Variants in CECR2 observed in about 807,000 individuals in gnomAD.
CECR2 encodes the protein CECR2 histone acetyl-lysine reader, also known as chromatin remodeling regulator CECR2.
CECR2 carries 30 observed loss-of-function variants against 154.5 expected under a neutral mutation model. The ratio of observed to expected loss-of-function variants is 0.19; its 90% confidence interval spans 0.15 to 0.26. The LOEUF is 0.26. CECR2 is among the 10% of genes least tolerant of loss of function. CECR2 has a pLI of 1.00. For missense variants in CECR2, 1,743 were observed against 1,829.3 expected (o/e 0.95, Z 0.86); for synonymous variants, 725 against 683.7 (o/e 1.06, Z -0.94).
Position 17,505,007 on chromosome 22 carries a change from C to T in CECR2, c.861C>T (p.Ile287=), listed in dbSNP as rs781738400. The T allele has an allele frequency of 6.2e-6, 10 of 1,613,314 alleles. 1 individual carries two copies. Among genetic ancestry groups the T allele is most frequent in the South Asian group, 3.3e-5 (3 of 91,026 alleles). ...EDFLPEICNM[I]AQKGKRPQRT... is the part of the protein sequence containing the mutation. Reference sequence around the variant, plus strand: ...TCCTGCCTGAGATCTGCAACATGATCGCCCAGAAGGTGCGCCACACTCTCT... The same window carrying T: ...TCCTGCCTGAGATCTGCAACATGATTGCCCAGAAGGTGCGCCACACTCTCT... Residue 287 remains isoleucine, a synonymous_variant, in exon 7 of 19, where the codon ATC becomes ATT. Transcript: ENST00000262608.
upstream of CECR2, among the ~76,000 whole-genome samples, chr22:17,366,388 C>CA (rs1417656659): frequency 6.6e-6 from 1 of 152,148 alleles, no homozygotes; most frequent in Non-Finnish European, 1.5e-5. Context: ...GGAGTTTCAC[C>CA]ATGTTGGCTA....
intron 1 of CECR2, among the ~76,000 whole-genome samples, chr22:17,364,342 CAAAAAA>C (rs59134897): frequency 1.1e-4 from 6 of 52,946 alleles, no homozygotes; most frequent in African/African-American, 4.3e-4. Context: ...GACTCTGTCT[CAAAAAA>C]AAAAAAAAAA....
At chr22:17,407,609 C>T (rs899571830) in intron 1 of CECR2, among the ~76,000 whole-genome samples, 2 of 151,506 alleles carry the variant, frequency 1.3e-5, no homozygotes, top group Non-Finnish European at 2.9e-5. Context: ...AAAAAAAAGC[C>T]ATGAATTAGA....
intron 1 of CECR2, among the ~76,000 whole-genome samples, chr22:17,398,633 A>G (rs1569055746): frequency 6.6e-6 from 1 of 152,122 alleles, no homozygotes; most frequent in Non-Finnish European, 1.5e-5. Context: ...CAGCCCTTAC[A>G]CTCAGTTTTC....
chr22:17,439,667 A>G (rs2054555494), intron 1 of CECR2, among the ~76,000 whole-genome samples: 1 of 152,228 alleles, frequency 6.6e-6, no homozygotes, highest in Non-Finnish European at 1.5e-5. Context: ...TTGAAAAACA[A>G]TCTGGTAGTA....
intron 1 of CECR2, among the ~76,000 whole-genome samples, chr22:17,388,999 G>A (rs1422131717): frequency 6.6e-6 from 1 of 152,064 alleles, no homozygotes; most frequent in African/African-American, 2.4e-5. Context: ...TTTTAGTAGA[G>A]ACGGGGTTTC....
chr22:17,509,229 C>T (rs746434218), intron 7 of CECR2, among the ~76,000 whole-genome samples: 40 of 151,046 alleles, frequency 2.6e-4, no homozygotes, highest in Non-Finnish European at 5.0e-4. Flanking sequence ...CCAGCCTGGG[C>T]GACAGATGGA....
intron 16 of CECR2, 126 bp from the exon 17 acceptor site, chr22:17,548,022 C>A: frequency 2.2e-6 from 2 of 896,490 alleles, no homozygotes; most frequent in Non-Finnish European, 3.3e-6. Context: ...GGGACTCAAA[C>A]AATTTCCAGG....
chr22:17,500,522 C>A, intron 4 of CECR2, 109 bp from the exon 5 acceptor site: 1 of 778,050 alleles, frequency 1.3e-6, no homozygotes, highest in Non-Finnish European at 2.0e-6. Context: ...CCTTTCACTG[C>A]TACATTTAAT....
At chr22:17,459,732 C>G (rs1199314218) in intron 1 of CECR2, among the ~76,000 whole-genome samples, 1 of 152,194 alleles carries the variant, frequency 6.6e-6, no homozygotes, top group Non-Finnish European at 1.5e-5. Flanking sequence ...TCCTGAACTT[C>G]TTTGTGATGG....
chr22:17,516,644 G>C (rs866390971), intron 8 of CECR2, among the ~76,000 whole-genome samples: 2 of 147,524 alleles, frequency 1.4e-5, no homozygotes, highest in African/African-American at 4.9e-5. Flanking sequence ...GCCCAGACTG[G>C]AGTGCAATGG....
intron 1 of CECR2, among the ~76,000 whole-genome samples, chr22:17,381,263 A>G (rs1454191588): frequency 6.6e-6 from 1 of 151,962 alleles, no homozygotes; most frequent in African/African-American, 2.4e-5. Flanking sequence ...CTTTCCCCCC[A>G]TTTTCCTTTG....
intron 1 of CECR2, among the ~76,000 whole-genome samples, chr22:17,364,283 C>T (rs1439120297): frequency 7.7e-6 from 1 of 130,626 alleles, no homozygotes; most frequent in African/African-American, 2.9e-5. Flanking sequence ...GCGGAGCTTG[C>T]AGTGAGCTGA....
chr22:17,486,919 C>G (rs894605911), intron 2 of CECR2, among the ~76,000 whole-genome samples: 12 of 152,130 alleles, frequency 7.9e-5, no homozygotes, highest in Admixed American at 2.0e-4. Flanking sequence ...ATTCCGTAGG[C>G]TTGGGCTGGG....
At chr22:17,483,026 G>T (rs555376969) in intron 2 of CECR2, among the ~76,000 whole-genome samples, 1 of 152,078 alleles carries the variant, frequency 6.6e-6, no homozygotes, top group Admixed American at 6.6e-5. Context: ...AGCCTCAGGC[G>T]GTCCTTCAGA....
intron 1 of CECR2, among the ~76,000 whole-genome samples, chr22:17,390,697 G>T (rs1198805319): frequency 6.6e-6 from 1 of 152,090 alleles, no homozygotes; most frequent in Non-Finnish European, 1.5e-5. Flanking sequence ...GAGTGCAGTG[G>T]CACCATCATA....
chr22:17,432,082 G>A lies in CECR2; in HGVS notation c.127-45506G>A, dbSNP rs1252557939. On this transcript the variant is annotated intron_variant, in intron 1 of 18. Coordinates refer to ENST00000262608, the MANE Select transcript of CECR2 (RefSeq NM_001290047.2). ...TGCCCACTCTGGACATTTCCTGTAA[G>A]TGGAATCACACAGCCCCACTTTGTG... is the stretch of plus-strand genomic sequence containing the variant. Among the ~76,000 whole-genome samples, 5 of 139,758 alleles carry A rather than the reference G, an allele frequency of 3.6e-5. No homozygotes were observed. In the East Asian group the frequency reaches 1.1e-3, roughly 30 times the overall value. 91.7% of individuals were successfully genotyped at this position (139,758 alleles called of 152,430 possible).
chr22:17,540,872 G>A, intron 14 of CECR2, 72 bp downstream of exon 14: 1 of 1,428,654 alleles, frequency 7.0e-7, no homozygotes, highest in Non-Finnish European at 9.3e-7. Flanking sequence ...AGGCCATTCA[G>A]TTAGTACTTC....
chr22:17,404,616 A>G (rs543013824), intron 1 of CECR2, among the ~76,000 whole-genome samples: 3,233 of 148,504 alleles, frequency 0.022, 396 homozygotes, highest in African/African-American at 0.078. Flanking sequence ...CTCGTGATCC[A>G]CCCGCCTCGG....
Sources: gnomAD v4.1 joint callset for allele counts (sites outside exome capture counted in the v4.1 genomes callset) on GRCh38, gnomAD v4.1.1 for gene constraint, MANE v1.5 for transcripts, NCBI Gene and HGNC (gene_info 2026-07-23, HGNC 2026-07-21) for gene names.